Variants in TMEM117 observed in about 807,000 individuals in gnomAD.
The protein encoded by TMEM117 is transmembrane protein 117.
A neutral mutation model predicts 52.4 loss-of-function variants in TMEM117; 27 were observed. The ratio of observed to expected loss-of-function variants is 0.51; its 90% CI spans 0.38 to 0.71. The LOEUF (loss-of-function observed/expected upper bound fraction) is 0.71, where lower values mean the gene tolerates loss of function less well. Among genes scored for constraint, TMEM117 ranks in the 30% least tolerant of loss-of-function variants. TMEM117 has a pLI of 0.00. For missense variants in TMEM117, 556 were observed against 630.5 expected (o/e 0.88, Z 1.26); for synonymous variants, 215 against 206.3 (o/e 1.04, Z -0.36).
intron 2 of TMEM117, among the ~76,000 whole-genome samples, chr12:43,866,404 C>T (rs1310279733): frequency 1.4e-5 from 2 of 146,686 alleles, no homozygotes; most frequent in Non-Finnish European, 3.0e-5. Context: ...GAGACCTCAT[C>T]GCTACCAAAA....
intron 5 of TMEM117, 93 bp downstream of exon 5, chr12:44,211,480 A>ATATTTG: frequency 1.2e-6 from 1 of 811,604 alleles, no homozygotes; most frequent in Non-Finnish European, 2.0e-6. Flanking sequence ...ATAGAATTCT[A>ATATTTG]TCTAGAGGGA....
intron 2 of TMEM117, among the ~76,000 whole-genome samples, chr12:43,924,037 G>T (rs1295351893): frequency 6.6e-6 from 1 of 152,154 alleles, no homozygotes; most frequent in Admixed American, 6.5e-5. Flanking sequence ...CTATATAAAT[G>T]CCTGTTAAAT....
intron 6 of TMEM117, among the ~76,000 whole-genome samples, chr12:44,314,638 C>T (rs891649556): frequency 2.7e-5 from 4 of 150,704 alleles, no homozygotes; most frequent in Admixed American, 2.7e-4. Flanking sequence ...GCAATTTCAG[C>T]TCACTGCAAC....
intron 2 of TMEM117, among the ~76,000 whole-genome samples, chr12:43,868,944 T>G (rs1373236122): frequency 6.6e-6 from 1 of 152,046 alleles, no homozygotes; most frequent in Non-Finnish European, 1.5e-5. Context: ...GACTAGAAAT[T>G]TCTAGAAATA....
chr12:43,992,381 C>T (rs1945957516), intron 3 of TMEM117, among the ~76,000 whole-genome samples: 1 of 152,034 alleles, frequency 6.6e-6, no homozygotes, highest in Non-Finnish European at 1.5e-5. Flanking sequence ...TGATCTCCCA[C>T]CTCAGCCTCC....
intron 2 of TMEM117, among the ~76,000 whole-genome samples, chr12:43,931,839 A>G (rs1944875905): frequency 6.6e-6 from 1 of 152,338 alleles, no homozygotes; most frequent in South Asian, 2.1e-4. Flanking sequence ...TTTAAGGACA[A>G]CTTTACATTC....
intron 3 of TMEM117, among the ~76,000 whole-genome samples, chr12:43,952,732 C>A (rs747409399): frequency 6.6e-6 from 1 of 152,112 alleles, no homozygotes; most frequent in East Asian, 1.9e-4. Context: ...AGGATATCAT[C>A]CAGGAGAACT....
intron 3 of TMEM117, among the ~76,000 whole-genome samples, chr12:44,084,308 A>G (rs1947531238): frequency 6.6e-6 from 1 of 152,132 alleles, no homozygotes; most frequent in Non-Finnish European, 1.5e-5. Context: ...ATATCCATGG[A>G]ACAAAAAAGT....
At chr12:44,044,559 G>A (rs1353273674) in intron 3 of TMEM117, among the ~76,000 whole-genome samples, 1 of 152,198 alleles carries the variant, frequency 6.6e-6, no homozygotes, top group Non-Finnish European at 1.5e-5. Context: ...ACATGAGGAA[G>A]TGGCTCAAAT....
chr12:44,038,988 A>G (rs868242499), intron 3 of TMEM117, among the ~76,000 whole-genome samples: 3 of 152,180 alleles, frequency 2.0e-5, no homozygotes, highest in South Asian at 2.1e-4. Flanking sequence ...CTCCCTGCCA[A>G]GCAAATGCCA....
At chr12:44,141,717 A>T (rs752236163) in intron 3 of TMEM117, among the ~76,000 whole-genome samples, 7 of 152,112 alleles carry the variant, frequency 4.6e-5, no homozygotes, top group Non-Finnish European at 7.4e-5. Context: ...GAGTTCACTG[A>T]CCAAGAGCTG....
chr12:44,238,123 A>G (rs1014201113), intron 5 of TMEM117, among the ~76,000 whole-genome samples: 1 of 152,196 alleles, frequency 6.6e-6, no homozygotes, highest in African/African-American at 2.4e-5. Flanking sequence ...CATCTCTTAA[A>G]AACTGTGAGG....
At chr12:43,817,178 G>C in the TMEM117 span, among the ~76,000 whole-genome samples, 1 of 152,218 alleles carries the variant, frequency 6.6e-6, no homozygotes, top group Non-Finnish European at 1.5e-5. Context: ...AGCAATTTGG[G>C]TACAAACTGT....
intron 3 of TMEM117, among the ~76,000 whole-genome samples, chr12:43,970,902 T>A (rs1263819962): frequency 6.6e-6 from 1 of 152,190 alleles, no homozygotes; most frequent in Non-Finnish European, 1.5e-5. Flanking sequence ...ACCCTTGATT[T>A]TTTTTTCAGC....
intron 3 of TMEM117, among the ~76,000 whole-genome samples, chr12:43,972,658 G>A (rs376962753): frequency 4.7e-4 from 72 of 152,208 alleles, no homozygotes; most frequent in Admixed American, 1.2e-3. Flanking sequence ...CCTCTAGGTA[G>A]CCACAGAGTG....
intron 3 of TMEM117, among the ~76,000 whole-genome samples, chr12:43,973,863 A>G (rs2137699258): frequency 6.6e-6 from 1 of 152,320 alleles, no homozygotes; most frequent in East Asian, 1.9e-4. Context: ...ACCCATTTTC[A>G]TATGCCACAT....
chr12:43,878,063 GAA>G (rs10550398), intron 2 of TMEM117, among the ~76,000 whole-genome samples: 111,056 of 151,870 alleles, frequency 0.73, 43,641 homozygotes, highest in East Asian at 0.94. Flanking sequence ...GTTTTACAAT[GAA>G]AAAAAGTTTT....
Position 44,336,485 on chromosome 12 carries a change from C to T in TMEM117, c.768+36746C>T, listed in dbSNP as rs1225085795. Among the ~76,000 whole-genome samples the T allele has an allele frequency of 1.2e-4, 19 of 152,034 alleles. No individual in the cohort carries two copies. The South Asian group carries it at 1.5e-3, about 12-fold the overall frequency. ...ATGTCTAACCCATTCAGTTTTCCAA[C>T]CCTTTACTATAGAAGTGTCAGCATT... is the stretch of plus-strand genomic sequence containing the variant. On this transcript the variant is annotated intron_variant, in intron 6 of 7. Transcript: ENST00000266534.
intron 6 of TMEM117, among the ~76,000 whole-genome samples, chr12:44,336,127 G>A (rs1202221831): frequency 6.6e-6 from 1 of 152,004 alleles, no homozygotes; most frequent in Non-Finnish European, 1.5e-5. Context: ...AATGTTTTGA[G>A]GGAAAGCTGT....
Sources: gnomAD v4.1 joint callset for allele counts (sites outside exome capture counted in the v4.1 genomes callset) on GRCh38, gnomAD v4.1.1 for gene constraint, MANE v1.5 for transcripts, NCBI Gene and HGNC (gene_info 2026-07-23, HGNC 2026-07-21) for gene names.